The following GRID2 variants were observed in gnomAD, a reference collection of about 807,000 sequenced individuals.
The protein encoded by GRID2 is glutamate receptor ionotropic, delta-2.
Under a neutral mutation model 114.8 loss-of-function variants are expected in GRID2, and 33 were observed. The observed-to-expected ratio is 0.29, with a 90% CI of 0.22 to 0.38. GRID2 has a LOEUF of 0.38. Ranked by LOEUF, GRID2 falls within the 10% of genes least tolerant of loss-of-function variation. GRID2 has a pLI of 1.00. For missense variants in GRID2, 1,184 were observed against 1,257.7 expected, an observed-to-expected ratio of 0.94 and a Z score of 0.89; for synonymous variants, 505 against 449.9, an observed-to-expected ratio of 1.12 and a Z score of -1.55.
intron 11 of GRID2, among the ~76,000 whole-genome samples, chr4:93,475,418 A>G (rs950321013): frequency 2.0e-5 from 3 of 152,102 alleles, no homozygotes; most frequent in Admixed American, 6.6e-5. Flanking sequence ...TTTCTCTATC[A>G]AATTATAAAT....
At chr4:93,131,024 T>A (rs1734747508) in intron 4 of GRID2, among the ~76,000 whole-genome samples, 1 of 152,088 alleles carries the variant, frequency 6.6e-6, no homozygotes, top group African/African-American at 2.4e-5. Context: ...TAAACAAAAA[T>A]TTCTTAAAAC....
chr4:92,388,896 T>A (rs555520197), intron 1 of GRID2, among the ~76,000 whole-genome samples: 1 of 152,128 alleles, frequency 6.6e-6, no homozygotes, highest in Non-Finnish European at 1.5e-5. Flanking sequence ...GCTATGCAAT[T>A]AAAAAAAGGT....
At chr4:92,926,530 C>T (rs1749820958) in intron 2 of GRID2, among the ~76,000 whole-genome samples, 1 of 151,894 alleles carries the variant, frequency 6.6e-6, no homozygotes, top group African/African-American at 2.4e-5. Context: ...CTATATACAT[C>T]ATATTACCAA....
At chr4:93,169,806 C>A (rs1287444098) in intron 4 of GRID2, among the ~76,000 whole-genome samples, 1 of 152,136 alleles carries the variant, frequency 6.6e-6, no homozygotes, top group African/African-American at 2.4e-5. Flanking sequence ...CATCTAGAGG[C>A]AAATTTCACC....
rs532747565 is a variant in GRID2 at position 93,712,433 on chromosome 4, T to C, written c.2361-56777T>C. 5.3e-5 allele frequency among the ~76,000 whole-genome samples: 8 copies of C among 152,316 alleles called. 1 individual carries two copies. In the South Asian group the frequency reaches 1.7e-3, roughly 32 times the overall value. On this transcript the variant is annotated intron_variant, in intron 14 of 15. Coordinates refer to ENST00000282020, the MANE Select transcript of GRID2 (RefSeq NM_001510.4). Reference sequence around the variant, plus strand: ...AAATGTAATTTGCAGAAAGAATGTCTTAACCATTCCCATTGAGTTATATCC... The same window carrying C: ...AAATGTAATTTGCAGAAAGAATGTCCTAACCATTCCCATTGAGTTATATCC...
At chr4:93,386,518 A>G (rs879262200) in intron 8 of GRID2, among the ~76,000 whole-genome samples, 4 of 152,170 alleles carry the variant, frequency 2.6e-5, no homozygotes, top group Non-Finnish European at 5.9e-5. Flanking sequence ...TAAGACAACA[A>G]GCCAAAATGA....
intron 2 of GRID2, among the ~76,000 whole-genome samples, chr4:92,724,798 A>C (rs1341532191): frequency 1.3e-5 from 2 of 152,312 alleles, no homozygotes; most frequent in East Asian, 3.9e-4. Context: ...TAGAGTAATT[A>C]AAACAATAAG....
chr4:92,368,572 T>G (rs968608803), intron 1 of GRID2, among the ~76,000 whole-genome samples: 4 of 152,126 alleles, frequency 2.6e-5, no homozygotes, highest in African/African-American at 9.6e-5. Flanking sequence ...ACTTTGGATT[T>G]TTTTAAATTC....
chr4:92,435,579 G>A (rs1732699223), intron 1 of GRID2, among the ~76,000 whole-genome samples: 1 of 152,140 alleles, frequency 6.6e-6, no homozygotes, highest in South Asian at 2.1e-4. Context: ...CACAACATAC[G>A]ATGACTGATT....
chr4:93,134,219 T>G (rs1219492797), intron 4 of GRID2, among the ~76,000 whole-genome samples: 3 of 152,164 alleles, frequency 2.0e-5, no homozygotes, highest in Admixed American at 1.3e-4. Context: ...TTGGCTTCCA[T>G]ATAGGTCTAC....
intron 1 of GRID2, among the ~76,000 whole-genome samples, chr4:92,515,605 C>A (rs1416177478): frequency 1.3e-5 from 2 of 151,764 alleles, no homozygotes; most frequent in East Asian, 3.9e-4. Flanking sequence ...AGTTCAGAGG[C>A]CATCAGATAA....
In GRID2 at chr4:92,696,350, G is replaced by A. The variant is rs193290854; in HGVS notation, c.244+106064G>A. Among the ~76,000 whole-genome samples the A allele has an allele frequency of 9.5e-4, 144 of 152,106 alleles. 2 individuals carry two copies. In the East Asian group the frequency reaches 0.02, roughly 21 times the overall value. ...ATATTCACATGTTAATATGTTGAAG[G>A]GTAAAACGCGAATATATATCATTGC... On this transcript the variant is annotated intron_variant, in intron 2 of 15. Transcript: ENST00000282020.
At chr4:92,891,502 G>C (rs1334712966) in intron 2 of GRID2, among the ~76,000 whole-genome samples, 2 of 152,162 alleles carry the variant, frequency 1.3e-5, no homozygotes, top group South Asian at 2.1e-4. Context: ...TTTTGGAAAA[G>C]AAAGGGAGAG....
At chr4:93,499,522 C>T (rs539795514) in intron 12 of GRID2, among the ~76,000 whole-genome samples, 1 of 151,870 alleles carries the variant, frequency 6.6e-6, no homozygotes, top group African/African-American at 2.4e-5. Context: ...TCTTATGGGA[C>T]CTTGCATGCC....
At chr4:93,339,348 G>A (rs1759409420) in intron 8 of GRID2, among the ~76,000 whole-genome samples, 1 of 152,096 alleles carries the variant, frequency 6.6e-6, no homozygotes, top group African/African-American at 2.4e-5. Flanking sequence ...AATATGACTG[G>A]TGTCCTTGTA....
intron 14 of GRID2, among the ~76,000 whole-genome samples, chr4:93,755,788 T>C (rs1020745732): frequency 5.3e-5 from 8 of 152,200 alleles, no homozygotes; most frequent in African/African-American, 1.9e-4. Flanking sequence ...AATGACATAA[T>C]CAGTTTAAGT....
chr4:93,706,413 G>C (rs990700536), intron 14 of GRID2, among the ~76,000 whole-genome samples: 5 of 151,704 alleles, frequency 3.3e-5, no homozygotes, highest in Non-Finnish European at 7.4e-5. Context: ...TTTTATAGTT[G>C]TTTTACAGAT....
intron 2 of GRID2, among the ~76,000 whole-genome samples, chr4:92,993,686 A>G (rs1009050551): frequency 4.6e-5 from 7 of 152,194 alleles, no homozygotes; most frequent in African/African-American, 1.7e-4. Flanking sequence ...ATCTCAGGTC[A>G]CTGATTATTC....
intron 2 of GRID2, among the ~76,000 whole-genome samples, chr4:92,709,041 G>A (rs1735087406): frequency 1.3e-5 from 2 of 152,164 alleles, no homozygotes; most frequent in Non-Finnish European, 2.9e-5. Flanking sequence ...TGGTGGATCA[G>A]CAAAATAGAA....
Sources: allele counts gnomAD v4.1 joint callset (sites outside exome capture counted in the v4.1 genomes callset), GRCh38; gene constraint gnomAD v4.1.1; transcripts MANE v1.5; gene names NCBI Gene and HGNC (gene_info 2026-07-23, HGNC 2026-07-21).